The following MRPL1 variants were observed in gnomAD, a reference collection of about 807,000 sequenced individuals.
MRPL1 encodes large ribosomal subunit protein uL1m.
A neutral mutation model predicts 38.0 loss-of-function variants in MRPL1; 28 were observed. The ratio of observed to expected loss-of-function variants is 0.74; its 90% CI spans 0.55 to 1.01. The LOEUF (loss-of-function observed/expected upper bound fraction) is 1.01. MRPL1 is among the 50% of genes least tolerant of loss of function. The pLI is 0.00. For synonymous variants in MRPL1, 123 were observed against 126.7 expected (o/e 0.97, Z 0.20); for missense variants, 358 against 389.8 (o/e 0.92, Z 0.69).
intron 2 of MRPL1, 100 bp downstream of exon 2, chr4:77,871,955 TAA>T: frequency 1.3e-6 from 1 of 758,086 alleles, no homozygotes. Context: ...CATATAGTTG[TAA>T]AAGTTTATTA....
At chr4:77,863,461 ATTTTTT>A (rs969402527) in intron 1 of MRPL1, among the ~76,000 whole-genome samples, 1 of 112,690 alleles carries the variant, frequency 8.9e-6, no homozygotes, top group African/African-American at 3.8e-5. Flanking sequence ...TTGTGCAACA[ATTTTTT>A]TTTTTTTTTT....
At chr4:77,930,153 T>C (rs1170457168) in intron 7 of MRPL1, among the ~76,000 whole-genome samples, 1 of 152,130 alleles carries the variant, frequency 6.6e-6, no homozygotes, top group Non-Finnish European at 1.5e-5. Context: ...CAGACCTAAG[T>C]GTAGGCAGAG....
intron 7 of MRPL1, among the ~76,000 whole-genome samples, chr4:77,945,169 TTACTAC>T (rs201283475): frequency 4.6e-4 from 45 of 97,170 alleles, no homozygotes; most frequent in African/African-American, 1.7e-3. Context: ...ATTATTATTA[TTACTAC>T]TACTACTACT....
chr4:77,892,373 T>G (rs1205118598), intron 5 of MRPL1, among the ~76,000 whole-genome samples: 1 of 152,120 alleles, frequency 6.6e-6, no homozygotes, highest in African/African-American at 2.4e-5. Flanking sequence ...CCTCAGGCGA[T>G]CCAACCTTCC....
intron 7 of MRPL1, among the ~76,000 whole-genome samples, chr4:77,921,199 C>T (rs1349966206): frequency 6.6e-6 from 1 of 152,192 alleles, no homozygotes; most frequent in East Asian, 1.9e-4. Context: ...TGACAAAGTA[C>T]ACATGTACAC....
chr4:77,908,946 C>G (rs912833662), intron 6 of MRPL1, among the ~76,000 whole-genome samples: 3 of 152,196 alleles, frequency 2.0e-5, no homozygotes, highest in Non-Finnish European at 2.9e-5. Flanking sequence ...CCCTGTGGCC[C>G]TCTCCATATG....
At chr4:77,863,470 T>G (rs114548332) in intron 1 of MRPL1, among the ~76,000 whole-genome samples, 2,161 of 145,444 alleles carry the variant, frequency 0.015, 90 homozygotes, top group African/African-American at 0.054. Flanking sequence ...AATTTTTTTT[T>G]TTTTTTTTTT....
intron 6 of MRPL1, among the ~76,000 whole-genome samples, chr4:77,905,165 T>A (rs1197879211): frequency 1.3e-5 from 2 of 151,958 alleles, no homozygotes; most frequent in Non-Finnish European, 2.9e-5. Context: ...CCTAATTTTT[T>A]AAAAAAGGGG....
intron 2 of MRPL1, among the ~76,000 whole-genome samples, chr4:77,872,142 T>G (rs1735295040): frequency 6.6e-6 from 1 of 152,200 alleles, no homozygotes; most frequent in Non-Finnish European, 1.5e-5. Flanking sequence ...GTAGGTTATA[T>G]AACTAGCCCA....
chr4:77,951,835 A>G (rs145428871), intron 8 of MRPL1, among the ~76,000 whole-genome samples: 2 of 152,274 alleles, frequency 1.3e-5, no homozygotes, highest in Admixed American at 6.5e-5. Context: ...GTGCCCTGCA[A>G]TGAGATGCTG....
At position 77,883,385 on chromosome 4, in the gene MRPL1, T is replaced by C. The variant is rs1288049040; in HGVS notation, c.287T>C (p.Ile96Thr). The C allele has an allele frequency of 1.2e-6, 2 of 1,613,918 alleles. No individual in the cohort carries two copies. Among genetic ancestry groups the C allele is most frequent in the Admixed American group, 3.3e-5 (2 of 60,006 alleles). ...VYLKRLYPRQ[I>T]YEVEKAVHLL... ...TTAAAACGCTTATACCCGAGACAGA[T>C]ATATGAGGTGGAGAAAGCTGTTCAC... The change falls in exon 3 of 9, where the codon ATA becomes ACA. Residue 96 changes from isoleucine (I) to threonine (T), a missense_variant. Physicochemically the swap from Ile to Thr is moderately conservative, Grantham distance 89. Transcript: ENST00000315567.
chr4:77,944,640 G>A (rs1442002415), intron 7 of MRPL1, among the ~76,000 whole-genome samples: 1 of 152,176 alleles, frequency 6.6e-6, no homozygotes, highest in East Asian at 1.9e-4. Flanking sequence ...TTAAGTAAAT[G>A]TTGCTAAGTT....
At chr4:77,927,876 T>C (rs1424252768) in intron 7 of MRPL1, among the ~76,000 whole-genome samples, 2 of 152,174 alleles carry the variant, frequency 1.3e-5, no homozygotes, top group Non-Finnish European at 2.9e-5. Flanking sequence ...GCTTGTTTTC[T>C]AGAGAGAAGA....
chr4:77,905,189 T>G lies in MRPL1; in HGVS notation c.671-4077T>G, dbSNP rs548727487. ...TTAAAAAAGGGGCAAAATAGTTGAG[T>G]AGGTATTGTACAAAAGAATATACGT... is the stretch of plus-strand genomic sequence containing the variant. On this transcript the variant is annotated intron_variant, in intron 6 of 8. Transcript: ENST00000315567. Among the ~76,000 whole-genome samples the G allele has an allele frequency of 4.0e-5, 6 of 151,858 alleles. No homozygotes were observed. The South Asian group carries it at 1.2e-3, about 32-fold the overall frequency.
chr4:77,938,476 C>T (rs888726816), intron 7 of MRPL1, among the ~76,000 whole-genome samples: 1 of 152,124 alleles, frequency 6.6e-6, no homozygotes, highest in African/African-American at 2.4e-5. Flanking sequence ...TCAGTATTTC[C>T]TGCTGTTTTC....
intron 7 of MRPL1, among the ~76,000 whole-genome samples, chr4:77,911,824 T>C (rs910623836): frequency 1.3e-5 from 2 of 152,082 alleles, no homozygotes; most frequent in Non-Finnish European, 2.9e-5. Flanking sequence ...TTCGTGAACA[T>C]AGATGTAACA....
intron 7 of MRPL1, among the ~76,000 whole-genome samples, chr4:77,911,810 A>G (rs1460594444): frequency 6.6e-6 from 1 of 152,202 alleles, no homozygotes; most frequent in East Asian, 1.9e-4. Context: ...ACAATGCAGT[A>G]TCATTCGTGA....
intron 1 of MRPL1, among the ~76,000 whole-genome samples, chr4:77,868,603 A>C (rs1735208536): frequency 6.6e-6 from 1 of 152,224 alleles, no homozygotes; most frequent in African/African-American, 2.4e-5. Flanking sequence ...GTAAGATGTT[A>C]TACAAATGTA....
intron 5 of MRPL1, among the ~76,000 whole-genome samples, chr4:77,893,020 G>A (rs1056692633): frequency 6.6e-6 from 1 of 152,176 alleles, no homozygotes; most frequent in Non-Finnish European, 1.5e-5. Flanking sequence ...GCAAAGAATA[G>A]TAACAGAAGG....
Sources: allele counts gnomAD v4.1 joint callset (sites outside exome capture counted in the v4.1 genomes callset), GRCh38; gene constraint gnomAD v4.1.1; transcripts MANE v1.5; gene names NCBI Gene and HGNC (gene_info 2026-07-23, HGNC 2026-07-21).